The following NEDD4L variants were observed in gnomAD, a reference collection of about 807,000 sequenced individuals.
NEDD4L encodes NEDD4 like E3 ubiquitin protein ligase, also known as E3 ubiquitin-protein ligase NEDD4-like.
A neutral mutation model predicts 148.9 loss-of-function variants in NEDD4L; 54 were observed. The observed-to-expected ratio is 0.36, with a 90% confidence interval of 0.29 to 0.45. The LOEUF (loss-of-function observed/expected upper bound fraction) is 0.45. Among genes scored for constraint, NEDD4L ranks in the 20% least tolerant of loss-of-function variants. The probability of loss-of-function intolerance (pLI) is 1.00; values close to 1 mark genes in which losing one functional copy is unlikely to be tolerated. For synonymous variants in NEDD4L, 433 were observed against 440.7 expected (o/e 0.98, Z 0.22); for missense variants, 856 against 1,233.8 (o/e 0.69, Z 4.59).
intron 1 of NEDD4L, among the ~76,000 whole-genome samples, chr18:58,063,949 C>CTTTT (rs58608106): frequency 1.4e-4 from 18 of 129,866 alleles, no homozygotes; most frequent in Non-Finnish European, 2.6e-4. Context: ...TATAATGTTT[C>CTTTT]TTTTTTTTTT....
chr18:58,315,914 C>T, intron 5 of NEDD4L, 68 bp from the exon 6 acceptor site: 6 of 1,355,550 alleles, frequency 4.4e-6, no homozygotes, highest in East Asian at 4.6e-5. Context: ...CATGATAAAA[C>T]ATTTTTAGGA....
intron 1 of NEDD4L, among the ~76,000 whole-genome samples, chr18:58,096,902 A>G (rs560863260): frequency 6.6e-6 from 1 of 152,168 alleles, no homozygotes; most frequent in African/African-American, 2.4e-5. Flanking sequence ...AATCTTTATC[A>G]TTGTGCTAAA....
intron 27 of NEDD4L, chr18:58,388,783 C>G (rs1227635623): frequency 5.5e-6 from 2 of 362,146 alleles, no homozygotes; most frequent in Non-Finnish European, 1.0e-5. Flanking sequence ...GTGAGAGAAT[C>G]CACAGGTCCC....
chr18:58,143,099 C>T (rs2146177577), intron 1 of NEDD4L, among the ~76,000 whole-genome samples: 1 of 152,288 alleles, frequency 6.6e-6, no homozygotes, highest in South Asian at 2.1e-4. Context: ...ATATTAATAT[C>T]CTTTAGTGCC....
chr18:58,056,894 C>CTTTTTTTTTTTTTTTTTTTTTTTTT (rs74183230), intron 1 of NEDD4L, among the ~76,000 whole-genome samples: 4 of 121,616 alleles, frequency 3.3e-5, no homozygotes, highest in Admixed American at 9.3e-5. Flanking sequence ...GCTATGCCCT[C>CTTTTTTTTTTTTTTTTTTTTTTTTT]TTTTTTTTTT....
chr18:58,316,601 G>T (rs886960126), intron 6 of NEDD4L, among the ~76,000 whole-genome samples: 2 of 152,240 alleles, frequency 1.3e-5, no homozygotes, highest in Admixed American at 1.3e-4. Context: ...GAGTTAGCAT[G>T]TGTGGTGCTG....
At chr18:58,262,780 G>A (rs953080614) in intron 5 of NEDD4L, among the ~76,000 whole-genome samples, 1 of 152,228 alleles carries the variant, frequency 6.6e-6, no homozygotes, top group African/African-American at 2.4e-5. Context: ...GAATAAATGA[G>A]TAACTCAGTG....
Position 58,328,979 on chromosome 18 carries a change from T to G in NEDD4L, c.681-16T>G. On this transcript the variant is annotated splice_polypyrimidine_tract_variant and intron_variant, in intron 9 of 30. Transcript: ENST00000400345. ...CCACTTCTCTTCTTCTCTTTCCCCC[T>G]TTCCTGCATGCTCAGGGACGTGTCC... 1 of 1,613,894 alleles carries G rather than the reference T, an allele frequency of 6.2e-7. No individual in the cohort carries two copies. The highest frequency in any genetic ancestry group is 1.1e-5 in the South Asian group (1 of 91,062).
chr18:58,106,715 A>G (rs1182880909), intron 1 of NEDD4L, among the ~76,000 whole-genome samples: 1 of 152,226 alleles, frequency 6.6e-6, no homozygotes, highest in African/African-American at 2.4e-5. Flanking sequence ...GAAATACAGT[A>G]CAATAACATT....
chr18:58,109,647 C>G (rs1351663930), intron 1 of NEDD4L, among the ~76,000 whole-genome samples: 1 of 148,538 alleles, frequency 6.7e-6, no homozygotes, highest in East Asian at 2.0e-4. Context: ...TCTCGGCTCA[C>G]TCAACCTCTG....
intron 5 of NEDD4L, among the ~76,000 whole-genome samples, chr18:58,270,135 T>C (rs2050814816): frequency 6.6e-6 from 1 of 152,250 alleles, no homozygotes; most frequent in South Asian, 2.1e-4. Flanking sequence ...CTCCCTGCTG[T>C]AAATATTAAC....
At chr18:58,247,358 C>G (rs185314295) in intron 3 of NEDD4L, 1 of 152,104 alleles carries the variant, frequency 6.6e-6, no homozygotes, top group Admixed American at 6.6e-5. Flanking sequence ...AGGATGCCTG[C>G]GAGGGACGGA....
chr18:58,316,165 C>G (rs1568669928), intron 6 of NEDD4L, 133 bp downstream of exon 6: 1 of 746,738 alleles, frequency 1.3e-6, no homozygotes, highest in Non-Finnish European at 2.3e-6. Context: ...GTGCTGTGGC[C>G]TTAGTCCTTT....
intron 1 of NEDD4L, among the ~76,000 whole-genome samples, chr18:58,132,880 TAACTAGAGATTTGAGATCAGACA>T (rs1344403747): frequency 6.6e-6 from 1 of 152,166 alleles, no homozygotes; most frequent in Non-Finnish European, 1.5e-5. Flanking sequence ...ACATGTAGGG[TAACTAGAGATTTGAGATCAGACA>T]AATCGATTAG....
At chr18:58,391,827 A>G (rs1602059784) in intron 30 of NEDD4L, among the ~76,000 whole-genome samples, 1 of 152,342 alleles carries the variant, frequency 6.6e-6, no homozygotes, top group African/African-American at 2.4e-5. Context: ...TATTCTAGGT[A>G]GTGGAGCTTT....
chr18:58,341,804 C>A lies in NEDD4L; in HGVS notation c.1377+7C>A, dbSNP rs372739641. ...TTTATCTGCCCCGCTGGAGGTGAGA[C>A]GGCTACCTCATCTAACTGGACTCAC... On this transcript the variant is annotated splice_region_variant and intron_variant, in intron 15 of 30. Coordinates refer to ENST00000400345, the MANE Select transcript of NEDD4L (RefSeq NM_001144967.3). 6 of 1,610,958 alleles carry A rather than the reference C, an allele frequency of 3.7e-6. No individual in the cohort carries two copies. Among genetic ancestry groups the A allele is most frequent in the Non-Finnish European group, 5.1e-6 (6 of 1,178,730 alleles).
chr18:58,376,314 G>T (rs949818427), intron 24 of NEDD4L, among the ~76,000 whole-genome samples: 1 of 152,118 alleles, frequency 6.6e-6, no homozygotes, highest in East Asian at 1.9e-4. Flanking sequence ...GAATTCTTCT[G>T]ACTTTTGGGT....
Position 58,195,440 on chromosome 18 carries a change from C to A in NEDD4L, c.122+29579C>A, listed in dbSNP as rs569800406. On this transcript the variant is annotated intron_variant, in intron 2 of 30. Coordinates refer to ENST00000400345, the MANE Select transcript of NEDD4L (RefSeq NM_001144967.3). The stretch of plus-strand genomic sequence containing the variant: ...TTGCTCCCGATTCGAGAGAGGCAGG[C>A]ATCCGCGGCAGCAGCTTCCAACCCA... The A allele has an allele frequency of 1.3e-4, 173 of 1,317,546 alleles. No homozygotes were observed. The African/African-American group carries it at 1.7e-3, about 13-fold the overall frequency. 81.6% of individuals were successfully genotyped at this position (1,317,546 alleles called of 1,614,324 possible). A position where few individuals can be genotyped will look rare whatever the true frequency, so the allele number is the denominator to read the frequency against.
chr18:58,229,972 G>C (rs1459961704), intron 2 of NEDD4L, among the ~76,000 whole-genome samples: 1 of 152,116 alleles, frequency 6.6e-6, no homozygotes, highest in East Asian at 1.9e-4. Context: ...CTGGGCGACA[G>C]AGTGAGACTC....
Sources: allele counts gnomAD v4.1 joint callset (sites outside exome capture counted in the v4.1 genomes callset), GRCh38; gene constraint gnomAD v4.1.1; transcripts MANE v1.5; gene names NCBI Gene and HGNC (gene_info 2026-07-23, HGNC 2026-07-21).